The following CRADD variants were observed in gnomAD, a reference collection of about 807,000 sequenced individuals.
CRADD encodes the protein CARD and death domain containing adaptor protein, also known as death domain-containing protein CRADD.
In CRADD, 9 loss-of-function variants were observed where a neutral mutation model predicts 15.5. The observed-to-expected ratio is 0.58, with a 90% CI of 0.35 to 1.01. The LOEUF is 1.01. CRADD is among the 50% of genes least tolerant of loss of function. The pLI, the probability that CRADD is intolerant of heterozygous loss-of-function variation, is 0.02. For synonymous variants in CRADD, 118 were observed against 107.6 expected, an observed-to-expected ratio of 1.10 and a Z score of -0.60; for missense variants, 227 against 250.3, an observed-to-expected ratio of 0.91 and a Z score of 0.63.
downstream of CRADD, chr12:93,894,834 G>A (rs954154887): frequency 5.3e-5 from 8 of 152,340 alleles, no homozygotes; most frequent in African/African-American, 1.2e-4. Context: ...CATCAGCAGC[G>A]GTCCCTGCCA....
chr12:93,752,979 A>G (rs1956844667), intron 2 of CRADD, among the ~76,000 whole-genome samples: 1 of 152,122 alleles, frequency 6.6e-6, no homozygotes, highest in African/African-American at 2.4e-5. Flanking sequence ...ATCTTGTGAG[A>G]CTGATCCACT....
chr12:93,700,693 G>A (rs1955824394), intron 2 of CRADD, among the ~76,000 whole-genome samples: 1 of 152,218 alleles, frequency 6.6e-6, no homozygotes, highest in Admixed American at 6.5e-5. Flanking sequence ...GTCTCCCAAA[G>A]TGCTTGGATT....
intron 2 of CRADD, among the ~76,000 whole-genome samples, chr12:93,736,252 G>A (rs147746896): frequency 6.6e-6 from 1 of 152,296 alleles, no homozygotes; most frequent in African/African-American, 2.4e-5. Flanking sequence ...ATCAAAGCAA[G>A]CATGATGCTG....
At chr12:93,764,362 A>C (rs1240253324) in intron 2 of CRADD, among the ~76,000 whole-genome samples, 2 of 152,030 alleles carry the variant, frequency 1.3e-5, no homozygotes, top group African/African-American at 4.8e-5. Flanking sequence ...GTTTAGGGAT[A>C]CAAGAGAACA....
At chr12:93,873,868 T>C (rs894386223) in intron 2 of CRADD, among the ~76,000 whole-genome samples, 41 of 151,850 alleles carry the variant, frequency 2.7e-4, no homozygotes, top group Non-Finnish European at 3.5e-4. Flanking sequence ...TGGCCTGTAG[T>C]TTTTTGTTTT....
At chr12:93,698,926 G>GACC (rs1955775855) in intron 2 of CRADD, among the ~76,000 whole-genome samples, 1 of 152,140 alleles carries the variant, frequency 6.6e-6, no homozygotes, top group Admixed American at 6.5e-5. Flanking sequence ...GCAGGGCAGA[G>GACC]TCAGGTAGCT....
intron 2 of CRADD, among the ~76,000 whole-genome samples, chr12:93,806,466 A>G (rs1044381370): frequency 6.7e-6 from 1 of 149,688 alleles, no homozygotes; most frequent in East Asian, 2.0e-4. Flanking sequence ...AAAAAAAAAA[A>G]AAAAAACAAA....
chr12:93,759,416 C>T (rs1318429979), intron 2 of CRADD, among the ~76,000 whole-genome samples: 1 of 130,404 alleles, frequency 7.7e-6, no homozygotes, highest in African/African-American at 2.5e-5. Context: ...AGAACTAGCT[C>T]GAGAAAGGAA....
exon 3 of CRADD, chr12:93,894,316 CAG>C: frequency 1.7e-6 from 1 of 588,392 alleles, no homozygotes; most frequent in Non-Finnish European, 3.0e-6. Flanking sequence ...GAGTAGATAA[CAG>C]AGATGCTGCT....
At chr12:93,841,771 G>A (rs1958049944) in intron 2 of CRADD, among the ~76,000 whole-genome samples, 1 of 152,166 alleles carries the variant, frequency 6.6e-6, no homozygotes, top group African/African-American at 2.4e-5. Context: ...CCTCACAGCA[G>A]GATTTAGCCC....
chr12:93,722,756 A>G (rs1368535351), intron 2 of CRADD, among the ~76,000 whole-genome samples: 1 of 152,180 alleles, frequency 6.6e-6, no homozygotes. Flanking sequence ...GCCCTTAACA[A>G]ATTAACCATA....
intron 2 of CRADD, among the ~76,000 whole-genome samples, chr12:93,868,327 A>G (rs1220481868): frequency 6.6e-6 from 1 of 152,200 alleles, no homozygotes; most frequent in Non-Finnish European, 1.5e-5. Flanking sequence ...TCTTATAAGG[A>G]GATTCATTCA....
At chr12:93,839,337 CCTATAT>C (rs1306660274) in intron 2 of CRADD, among the ~76,000 whole-genome samples, 1 of 152,182 alleles carries the variant, frequency 6.6e-6, no homozygotes, top group East Asian at 1.9e-4. Context: ...GATATCTATA[CCTATAT>C]CTATATCTCC....
intron 2 of CRADD, among the ~76,000 whole-genome samples, chr12:93,724,274 G>A (rs1242678282): frequency 3.3e-5 from 5 of 152,156 alleles, no homozygotes; most frequent in African/African-American, 1.2e-4. Context: ...AGCTACTTGG[G>A]AGGCTGAGGC....
chr12:93,724,575 T>C (rs982540450), intron 2 of CRADD, among the ~76,000 whole-genome samples: 1 of 152,142 alleles, frequency 6.6e-6, no homozygotes, highest in African/African-American at 2.4e-5. Flanking sequence ...GCTCCTTAAA[T>C]ACAGAGCTGG....
At chr12:93,846,499 G>A (rs962307012) in intron 2 of CRADD, 2 of 151,698 alleles carry the variant, frequency 1.3e-5, no homozygotes, top group African/African-American at 4.9e-5. Context: ...CTCCTAATGA[G>A]TGTGAAGTGG....
chr12:93,713,803 T>C (rs1398365569), intron 2 of CRADD, among the ~76,000 whole-genome samples: 4 of 152,236 alleles, frequency 2.6e-5, no homozygotes, highest in Admixed American at 6.5e-5. Flanking sequence ...TGAATATCTG[T>C]TGAAATGATA....
intron 2 of CRADD, among the ~76,000 whole-genome samples, chr12:93,762,627 G>T (rs1956979662): frequency 6.6e-6 from 1 of 152,098 alleles, no homozygotes; most frequent in African/African-American, 2.4e-5. Context: ...ACTTATTTGG[G>T]ACTGCTAACA....
At chr12:93,892,179 A>G (rs1349801059) in intron 2 of CRADD, among the ~76,000 whole-genome samples, 3 of 152,036 alleles carry the variant, frequency 2.0e-5, no homozygotes, top group Admixed American at 6.5e-5. Context: ...TCCTTCAAGG[A>G]GGCCCTGCAA....
Sources: allele counts gnomAD v4.1 joint callset (sites outside exome capture counted in the v4.1 genomes callset), GRCh38; gene constraint gnomAD v4.1.1; transcripts MANE v1.5; gene names NCBI Gene and HGNC (gene_info 2026-07-23, HGNC 2026-07-21).